Variants in TPP2 observed in about 807,000 individuals in gnomAD.
TPP2 encodes the protein tripeptidyl-peptidase 2.
TPP2 carries 34 observed loss-of-function variants against 155.9 expected under a neutral mutation model. The observed-to-expected ratio is 0.22, with a 90% confidence interval of 0.17 to 0.29. TPP2 has a LOEUF of 0.29. Among genes scored for constraint, TPP2 ranks in the 10% least tolerant of loss-of-function variants. The pLI is 1.00. For missense variants in TPP2, 1,028 were observed against 1,522.3 expected (o/e 0.68, Z 5.40); for synonymous variants, 510 against 529.4 (o/e 0.96, Z 0.50).
chr13:102,623,424 G>A (rs2148762), intron 6 of TPP2, among the ~76,000 whole-genome samples: 22,669 of 152,124 alleles, frequency 0.15, 2,038 homozygotes, highest in African/African-American at 0.25. Context: ...TTAGCTGTGC[G>A]TGGTGGCACA....
At chr13:102,636,191 T>G in intron 12 of TPP2, 33 bp from the exon 13 acceptor site, 1 of 1,556,290 alleles carries the variant, frequency 6.4e-7, no homozygotes, top group Non-Finnish European at 8.7e-7. Flanking sequence ...GACCCAACCA[T>G]TTATATCTTA....
At chr13:102,635,505 A>G in intron 11 of TPP2, 82 bp from the exon 12 acceptor site, 3 of 930,972 alleles carry the variant, frequency 3.2e-6, no homozygotes, top group Non-Finnish European at 5.1e-6. Context: ...CAGAGGGTCT[A>G]CAGGTGATCG....
At chr13:102,668,743 G>A (rs1168912504) in intron 27 of TPP2, among the ~76,000 whole-genome samples, 1 of 152,174 alleles carries the variant, frequency 6.6e-6, no homozygotes, top group Non-Finnish European at 1.5e-5. Context: ...GAATAAGAAG[G>A]GTTAATACCC....
rs1882375426 is a variant in TPP2, at chr13:102,636,316, C to T, written c.1602C>T (p.Tyr534=). 6.2e-7 allele frequency: 1 copy of T among 1,613,768 alleles called. No homozygotes were observed. The highest frequency in any genetic ancestry group is 1.7e-5 in the Admixed American group (1 of 59,966). ...CTGTTGGAAATAACCGTGGCATCTA[C>T]CTCCGAGATCCTGTTCAGGTGGCTG... The part of the protein sequence containing the change: ...TVTVGNNRGI[Y]LRDPVQVAAP... The change falls in exon 13 of 30, where the codon TAC becomes TAT. Residue 534 remains tyrosine, a synonymous_variant. Coordinates refer to ENST00000376052, the MANE Select transcript of TPP2 (RefSeq NM_001330588.2).
chr13:102,606,765 C>T (rs1002700780), intron 2 of TPP2, among the ~76,000 whole-genome samples: 3 of 152,144 alleles, frequency 2.0e-5, no homozygotes, highest in Non-Finnish European at 2.9e-5. Flanking sequence ...AGGGGAGGGA[C>T]GTGGGTCTTC....
rs1883352930 is a variant in TPP2, at chr13:102,649,471, A to G, written c.2937A>G (p.Glu979=). The G allele has an allele frequency of 1.2e-6, 2 of 1,612,124 alleles. No individual in the cohort carries two copies. The highest frequency in any genetic ancestry group is 1.7e-6 in the Non-Finnish European group (2 of 1,179,102). ...LAGSLTLSKT[E]LGKKAGQSAA... Reference sequence around the variant, plus strand: ...GATCCTTAACATTGTCAAAGACTGAACTAGGAAAGAAAGCTGTAAGTATTA... The same window carrying G: ...GATCCTTAACATTGTCAAAGACTGAGCTAGGAAAGAAAGCTGTAAGTATTA... Residue 979 remains glutamate, a synonymous_variant, in exon 23 of 30, where the codon GAA becomes GAG. Transcript: ENST00000376052.
intron 25 of TPP2, 79 bp from the exon 26 acceptor site, chr13:102,663,569 A>T (rs1884393703): frequency 9.9e-7 from 1 of 1,008,870 alleles, no homozygotes; most frequent in Admixed American, 3.4e-5. Context: ...AAACTTCCAA[A>T]CAATGTTAAA....
intron 10 of TPP2, among the ~76,000 whole-genome samples, chr13:102,633,448 CTA>C (rs1175819552): frequency 6.6e-6 from 1 of 152,104 alleles, no homozygotes; most frequent in Non-Finnish European, 1.5e-5. Context: ...AATATTTTTG[CTA>C]TGTCTAGTTA....
At chr13:102,639,252 T>C (rs1469816141) in intron 15 of TPP2, among the ~76,000 whole-genome samples, 1 of 152,140 alleles carries the variant, frequency 6.6e-6, no homozygotes. Flanking sequence ...GAAGGTGAGA[T>C]TGGGATTGTG....
chr13:102,614,342 G>A (rs1400409810), intron 3 of TPP2, 146 bp downstream of exon 3: 6 of 618,488 alleles, frequency 9.7e-6, no homozygotes, highest in African/African-American at 1.9e-5. Flanking sequence ...AACAATGACT[G>A]CTTAAAGATT....
At position 102,597,111 on chromosome 13, in the gene TPP2, T is replaced by C; in HGVS notation, c.73T>C (p.Ser25Pro). 6.2e-7 allele frequency: 1 copy of C among 1,611,148 alleles called. No homozygotes were observed. Among genetic ancestry groups the C allele is most frequent in the Non-Finnish European group, 8.5e-7 (1 of 1,179,140 alleles). ...LLPKKETGAASFLCRYPEYDG... is the reference protein window; with the variant it reads ...LLPKKETGAAPFLCRYPEYDG... Reference sequence around the variant, plus strand: ...GCCGAAGAAGGAGACCGGAGCCGCCTCCTTCCTCTGCCGCTACCCGGAGTA... The same window carrying C: ...GCCGAAGAAGGAGACCGGAGCCGCCCCCTTCCTCTGCCGCTACCCGGAGTA... Residue 25 changes from serine to proline, a missense_variant, in exon 1 of 30, where the codon TCC (serine) becomes CCC (proline). Around this residue, in one of 7 missense-constraint regions of TPP2, gnomAD observed 300 missense variants for 398.3 expected, o/e 0.75. Transcript: ENST00000376052.
chr13:102,611,478 C>T lies in TPP2; in HGVS notation c.295-2623C>T, dbSNP rs1880313150. On this transcript the variant is annotated intron_variant, in intron 2 of 29. Transcript: ENST00000376052. The stretch of plus-strand genomic sequence containing the variant: ...ATCATCTGAGGTCGGGAGTTCAAGA[C>T]CAGCCTGACCAACATGTCGAAACCC... Among the ~76,000 whole-genome samples, 10 of 152,238 alleles carry T rather than the reference C, an allele frequency of 6.6e-5. No individual in the cohort carries two copies. In the South Asian group the frequency reaches 2.1e-3, roughly 32 times the overall value.
intron 25 of TPP2, among the ~76,000 whole-genome samples, chr13:102,660,396 C>A (rs1465107790): frequency 1.3e-5 from 2 of 151,384 alleles, no homozygotes; most frequent in African/African-American, 2.4e-5. Flanking sequence ...ATCCCATTTA[C>A]AGTAACATTG....
chr13:102,642,966 C>T (rs1198693619), intron 16 of TPP2, among the ~76,000 whole-genome samples: 1 of 152,170 alleles, frequency 6.6e-6, no homozygotes, highest in Non-Finnish European at 1.5e-5. Context: ...CAGGTGTTTG[C>T]AGCCTCATGG....
chr13:102,664,696 C>G, intron 26 of TPP2, 99 bp from the exon 27 acceptor site: 1 of 1,212,314 alleles, frequency 8.2e-7, no homozygotes, highest in Non-Finnish European at 1.1e-6. Context: ...TTTACTCACA[C>G]TGCAGTTGTA....
At chr13:102,601,735 C>G (rs1292726500) in intron 1 of TPP2, among the ~76,000 whole-genome samples, 1 of 152,204 alleles carries the variant, frequency 6.6e-6, no homozygotes, top group Admixed American at 6.5e-5. Context: ...TCCCAAAACA[C>G]CATGGCAAAT....
intron 1 of TPP2, among the ~76,000 whole-genome samples, chr13:102,604,483 A>T (rs935281760): frequency 6.6e-6 from 1 of 152,140 alleles, no homozygotes; most frequent in Non-Finnish European, 1.5e-5. Context: ...TCGCTATAAG[A>T]TCGTCAGGGA....
intron 15 of TPP2, among the ~76,000 whole-genome samples, chr13:102,639,711 A>C (rs1680019507): frequency 6.6e-6 from 1 of 152,240 alleles, no homozygotes; most frequent in Non-Finnish European, 1.5e-5. Flanking sequence ...ACTGACAAGA[A>C]TTTGTCTCTA....
intron 2 of TPP2, among the ~76,000 whole-genome samples, chr13:102,605,399 C>T (rs1045271099): frequency 6.6e-6 from 1 of 152,118 alleles, no homozygotes; most frequent in Non-Finnish European, 1.5e-5. Context: ...ATATTGAGCT[C>T]ATTGGAAGTG....
Sources: allele counts gnomAD v4.1 joint callset (sites outside exome capture counted in the v4.1 genomes callset), GRCh38; gene constraint gnomAD v4.1.1; regional missense constraint gnomAD v4.1.1; transcripts MANE v1.5; gene names NCBI Gene and HGNC (gene_info 2026-07-23, HGNC 2026-07-21).